The following HSPA4 variants were observed in gnomAD, a reference collection of about 807,000 sequenced individuals.
HSPA4 encodes heat shock protein family A (Hsp70) member 4, also known as heat shock 70 kDa protein 4.
HSPA4 carries 25 observed loss-of-function variants against 106.2 expected under a neutral mutation model. The observed-to-expected ratio is 0.24, with a 90% CI of 0.17 to 0.33. HSPA4 has a LOEUF of 0.33. Ranked by LOEUF, HSPA4 falls within the 10% of genes least tolerant of loss-of-function variation. HSPA4 has a pLI of 1.00. For synonymous variants in HSPA4, 332 were observed against 333.6 expected (o/e 1.00, Z 0.05); for missense variants, 841 against 996.0 (o/e 0.84, Z 2.10).
chr5:133,056,331 A>G (rs1206441229), intron 1 of HSPA4, among the ~76,000 whole-genome samples: 2 of 151,508 alleles, frequency 1.3e-5, no homozygotes, highest in East Asian at 4.3e-4. Context: ...AAATAATAAT[A>G]ATGATTTTTA....
rs1461396494 is a variant in HSPA4 at position 133,089,593 on chromosome 5, G to T, written c.1276G>T (p.Ala426Ser). 1 of 1,612,888 alleles carries T rather than the reference G, an allele frequency of 6.2e-7. No individual in the cohort carries two copies. The highest frequency in any genetic ancestry group is 8.5e-7 in the Non-Finnish European group (1 of 1,179,220). ...TGAAGTCTTTTCCAAAAATCATGCT[G>T]CTCCTTTCTCTAAAGTTCTTACATT... ...DCEVFSKNHA[A>S]PFSKVLTFYR... The change falls in exon 11 of 19, where the codon GCT becomes TCT. Residue 426 changes from alanine (A) to serine (S), a missense_variant. Around this residue, in one of 5 missense-constraint regions of HSPA4, gnomAD observed 162 missense variants for 177.7 expected, o/e 0.91. Transcript: ENST00000304858.
At position 133,089,041 on chromosome 5, in the gene HSPA4, AATT is replaced by A. The variant is rs1765612928; in HGVS notation, c.1138-7_1138-5del. 1.3e-6 allele frequency: 2 copies of A among 1,504,462 alleles called. No homozygotes were observed. Among genetic ancestry groups the A allele is most frequent in the African/African-American group, 1.4e-5 (1 of 72,214 alleles). The allele number at this position is 1,504,462 out of a possible 1,614,324, so 93.2% of individuals were successfully genotyped here. A position where few individuals can be genotyped will look rare whatever the true frequency, so the allele number is the denominator to read the frequency against. ...ATACTTGTTAAACGGAATTTTTGAAAATTATTATTCTAGTGTGCCATCTTATCG... is the reference window on the plus strand; with the variant it reads ...ATACTTGTTAAACGGAATTTTTGAAAATTATTCTAGTGTGCCATCTTATCG... On this transcript the variant is annotated splice_polypyrimidine_tract_variant and intron_variant, in intron 9 of 18. Coordinates refer to ENST00000304858, the MANE Select transcript of HSPA4 (RefSeq NM_002154.4).
intron 6 of HSPA4, chr5:133,076,300 T>C: frequency 8.4e-6 from 2 of 236,912 alleles, no homozygotes; most frequent in South Asian, 1.4e-4. Flanking sequence ...TTAGTATATT[T>C]TACCTTGGAC....
chr5:133,094,255 T>C (rs1438024307), intron 13 of HSPA4, among the ~76,000 whole-genome samples: 1 of 152,216 alleles, frequency 6.6e-6, no homozygotes, highest in African/African-American at 2.4e-5. Flanking sequence ...TGAAAATATC[T>C]TTTATTTATA....
Position 133,097,214 on chromosome 5 carries a change from C to T in HSPA4, c.1857C>T (p.Asn619=), listed in dbSNP as rs142002805. 6.2e-5 allele frequency: 100 copies of T among 1,610,868 alleles called. 1 individual carries two copies. Among genetic ancestry groups the T allele is most frequent in the South Asian group, 5.7e-4 (52 of 90,972 alleles). ...KLEKERNDAK[N]AVEEYVYEMR... ...AGAAGGAGCGGAATGATGCTAAGAA[C>T]GCAGTGGAGGAATATGTGTATGAAA... Residue 619 remains asparagine (N), a synonymous_variant, in exon 15 of 19, where the codon AAC becomes AAT. Coordinates refer to ENST00000304858, the MANE Select transcript of HSPA4 (RefSeq NM_002154.4).
chr5:133,079,878 T>C (rs1315041492), intron 7 of HSPA4, among the ~76,000 whole-genome samples: 1 of 152,218 alleles, frequency 6.6e-6, no homozygotes, highest in East Asian at 1.9e-4. Context: ...GGATAGCACA[T>C]GTGAATAGTG....
chr5:133,087,301 A>G (rs1286836404), intron 8 of HSPA4, among the ~76,000 whole-genome samples: 1 of 152,230 alleles, frequency 6.6e-6, no homozygotes, highest in Admixed American at 6.5e-5. Context: ...TTAGGAATAT[A>G]TACTAATTTT....
At chr5:133,080,009 C>G (rs555783268) in intron 7 of HSPA4, among the ~76,000 whole-genome samples, 1 of 152,204 alleles carries the variant, frequency 6.6e-6, no homozygotes, top group African/African-American at 2.4e-5. Flanking sequence ...CAGTAACAAT[C>G]TATTTTCTTT....
intron 7 of HSPA4, among the ~76,000 whole-genome samples, chr5:133,085,840 AGTG>A (rs1484322945): frequency 1.3e-5 from 2 of 152,188 alleles, no homozygotes; most frequent in African/African-American, 2.4e-5. Flanking sequence ...ATGTTACTGA[AGTG>A]GTGAATACTT....
rs537611727 is a variant in HSPA4, at chr5:133,076,637, C to A, written c.664-17C>A. On this transcript the variant is annotated splice_polypyrimidine_tract_variant and intron_variant, in intron 6 of 18. Transcript: ENST00000304858. ...CGATTGGTTAATTGTTAGATTAATT[C>A]TCATTTTTTCCTTAAGGTTCTGGCC... 69 of 1,603,350 alleles carry A rather than the reference C, an allele frequency of 4.3e-5. No homozygotes were observed. The East Asian group carries it at 1.5e-3, about 35-fold the overall frequency.
Position 133,065,048 on chromosome 5 carries a change from A to T in HSPA4, c.165+11A>T. ...GCAGCTAAAAGCCAGGTAAAGTTTC[A>T]TTTTTTTCCTAAAATGACTTATTTC... On this transcript the variant is annotated intron_variant, in intron 2 of 18. Transcript: ENST00000304858. 6.2e-7 allele frequency: 1 copy of T among 1,611,650 alleles called. No homozygotes were observed. Among genetic ancestry groups the T allele is most frequent in the Non-Finnish European group, 8.5e-7 (1 of 1,178,128 alleles).
intron 1 of HSPA4, among the ~76,000 whole-genome samples, chr5:133,059,996 T>C (rs1765218208): frequency 6.6e-6 from 1 of 152,092 alleles, no homozygotes; most frequent in Non-Finnish European, 1.5e-5. Context: ...AAATCCTCAA[T>C]AATTCAGCCA....
intron 14 of HSPA4, 93 bp downstream of exon 14, chr5:133,096,343 ATTGT>A: frequency 8.3e-7 from 1 of 1,202,876 alleles, no homozygotes; most frequent in Non-Finnish European, 1.2e-6. Flanking sequence ...TGCATTTTTG[ATTGT>A]TTGGACTTAG....
At chr5:133,098,076 C>G (rs142675801) in intron 15 of HSPA4, among the ~76,000 whole-genome samples, 1 of 151,994 alleles carries the variant, frequency 6.6e-6, no homozygotes, top group East Asian at 1.9e-4. Context: ...CACTTCTGTC[C>G]TCCCGCTTTT....
intron 7 of HSPA4, among the ~76,000 whole-genome samples, chr5:133,082,798 T>A (rs1435104680): frequency 1.3e-5 from 2 of 152,132 alleles, no homozygotes; most frequent in African/African-American, 4.8e-5. Context: ...TTCTATAGCA[T>A]GTAAATTATA....
intron 13 of HSPA4, among the ~76,000 whole-genome samples, chr5:133,093,071 TC>T (rs1230462553): frequency 6.6e-6 from 1 of 151,356 alleles, no homozygotes; most frequent in African/African-American, 2.4e-5. Flanking sequence ...CCTCAGGTGA[TC>T]CACCTGTCTT....
rs988815366 is a variant in HSPA4 at position 133,078,198 on chromosome 5, G to A, written c.908+1300G>A. 5.7e-4 allele frequency among the ~76,000 whole-genome samples: 86 copies of A among 152,198 alleles called. 1 individual carries two copies. The highest frequency in any genetic ancestry group is 2.0e-3 in the African/African-American group (83 of 41,536). On this transcript the variant is annotated intron_variant, in intron 7 of 18. Coordinates refer to ENST00000304858, the MANE Select transcript of HSPA4 (RefSeq NM_002154.4). The stretch of plus-strand genomic sequence containing the variant: ...ATACAAGAAATTAGCCGGGTATGGT[G>A]GCGGGTGCCTGTAGTCCCAGCTGCT...
chr5:133,091,303 T>C lies in HSPA4; in HGVS notation c.1489T>C (p.Leu497=). 6.2e-7 allele frequency: 1 copy of C among 1,613,990 alleles called. No individual in the cohort carries two copies. The highest frequency in any genetic ancestry group is 8.5e-7 in the Non-Finnish European group (1 of 1,179,902). The stretch of plus-strand genomic sequence containing the variant: ...CATTTTCAGTGTGTCCAGTGCATCT[T>C]TAGTGGAGGTTCACAAGTCTGAGGA... The part of the protein sequence containing the change: ...HGIFSVSSAS[L]VEVHKSEENE... The change falls in exon 12 of 19, where the codon TTA becomes CTA. Residue 497 remains leucine (L), a synonymous_variant. Transcript: ENST00000304858.
intron 7 of HSPA4, among the ~76,000 whole-genome samples, chr5:133,080,095 C>T (rs1013462468): frequency 6.6e-6 from 1 of 151,682 alleles, no homozygotes; most frequent in Non-Finnish European, 1.5e-5. Flanking sequence ...TGCTTAGATG[C>T]CCAAATGTTT....
Sources: gnomAD v4.1 joint callset for allele counts (sites outside exome capture counted in the v4.1 genomes callset) on GRCh38, gnomAD v4.1.1 for gene constraint, gnomAD v4.1.1 regional missense constraint, MANE v1.5 for transcripts, NCBI Gene and HGNC (gene_info 2026-07-23, HGNC 2026-07-21) for gene names.